The following PRKCA variants were observed in gnomAD, a reference collection of about 807,000 sequenced individuals.
PRKCA encodes protein kinase C alpha.
Under a neutral mutation model 87.0 loss-of-function variants are expected in PRKCA, and 27 were observed. The ratio of observed to expected loss-of-function variants is 0.31; its 90% CI spans 0.23 to 0.43. The LOEUF (loss-of-function observed/expected upper bound fraction) is 0.43, where lower values mean the gene tolerates loss of function less well. PRKCA is among the 20% of genes least tolerant of loss of function. The pLI, the probability that PRKCA is intolerant of heterozygous loss-of-function variation, is 1.00. For synonymous variants in PRKCA, 329 were observed against 311.1 expected, an observed-to-expected ratio of 1.06 and a Z score of -0.61; for missense variants, 518 against 852.3, an observed-to-expected ratio of 0.61 and a Z score of 4.88.
chr17:66,674,237 G>A (rs747271053), intron 5 of PRKCA, among the ~76,000 whole-genome samples: 2 of 152,230 alleles, frequency 1.3e-5, no homozygotes, highest in Non-Finnish European at 2.9e-5. Flanking sequence ...TGGCAGGAGA[G>A]TGGAAGGGCA....
intron 2 of PRKCA, among the ~76,000 whole-genome samples, chr17:66,378,650 A>G (rs1909613403): frequency 6.6e-6 from 1 of 152,180 alleles, no homozygotes; most frequent in Admixed American, 6.5e-5. Context: ...CTGTAATCCT[A>G]GCACTTTGGG....
intron 5 of PRKCA, among the ~76,000 whole-genome samples, chr17:66,648,497 A>G (rs1250899406): frequency 6.6e-6 from 1 of 152,242 alleles, no homozygotes; most frequent in Non-Finnish European, 1.5e-5. Context: ...GGTAAATTGG[A>G]TGGCTAAATA....
chr17:66,638,507 C>T (rs1180865537), intron 3 of PRKCA: 3 of 152,032 alleles, frequency 2.0e-5, no homozygotes, highest in African/African-American at 2.4e-5. Flanking sequence ...GTGGTGCAGA[C>T]ACGAGGGGTT....
At chr17:66,768,954 G>C (rs571141286) in intron 13 of PRKCA, among the ~76,000 whole-genome samples, 1 of 152,178 alleles carries the variant, frequency 6.6e-6, no homozygotes, top group Admixed American at 6.5e-5. Context: ...TACTAAGCAT[G>C]TGCTAAGTGG....
chr17:66,395,577 A>T (rs2143657156), intron 2 of PRKCA, among the ~76,000 whole-genome samples: 1 of 152,292 alleles, frequency 6.6e-6, no homozygotes, highest in East Asian at 1.9e-4. Context: ...GGTCCACTTT[A>T]GATTGCATGG....
chr17:66,682,706 T>TTTGTTGTTG (rs3053459), intron 5 of PRKCA, among the ~76,000 whole-genome samples: 1 of 151,754 alleles, frequency 6.6e-6, no homozygotes, highest in African/African-American at 2.4e-5. Flanking sequence ...GTAGTGTGAT[T>TTTGTTGTTG]TTGTTGTTGT....
intron 2 of PRKCA, among the ~76,000 whole-genome samples, chr17:66,449,832 C>T (rs11654093): frequency 0.36 from 54,927 of 151,872 alleles, 10,042 homozygotes; most frequent in Middle Eastern, 0.45. Context: ...GCTGGACGAA[C>T]GGCCTCAGGT....
chr17:66,678,472 A>G (rs1373779015), intron 5 of PRKCA, among the ~76,000 whole-genome samples: 1 of 152,236 alleles, frequency 6.6e-6, no homozygotes, highest in Non-Finnish European at 1.5e-5. Flanking sequence ...TCCTGCTAGC[A>G]GAAGGTAGGC....
intron 3 of PRKCA, among the ~76,000 whole-genome samples, chr17:66,538,464 C>G (rs1427915308): frequency 6.6e-6 from 1 of 151,974 alleles, no homozygotes; most frequent in Non-Finnish European, 1.5e-5. Flanking sequence ...CGTTTGTCAC[C>G]AGGGAGGTGA....
chr17:66,329,829 C>A (rs1020150460), intron 2 of PRKCA, among the ~76,000 whole-genome samples: 9 of 152,184 alleles, frequency 5.9e-5, no homozygotes, highest in Non-Finnish European at 1.3e-4. Context: ...CAAACACACC[C>A]CGTCATTTAT....
At chr17:66,702,526 T>A (rs1973088992) in intron 8 of PRKCA, among the ~76,000 whole-genome samples, 1 of 152,162 alleles carries the variant, frequency 6.6e-6, no homozygotes, top group African/African-American at 2.4e-5. Context: ...CCAATAATAA[T>A]AATGTGTTTT....
At chr17:66,528,639 A>C (rs1967432352) in intron 3 of PRKCA, among the ~76,000 whole-genome samples, 1 of 152,194 alleles carries the variant, frequency 6.6e-6, no homozygotes, top group African/African-American at 2.4e-5. Context: ...GAGCACCTCC[A>C]TTGTAGCCTT....
intron 2 of PRKCA, among the ~76,000 whole-genome samples, chr17:66,338,010 C>T (rs943547031): frequency 3.4e-5 from 5 of 145,834 alleles, no homozygotes; most frequent in South Asian, 2.3e-4. Context: ...TCCCCCCCCT[C>T]CGCCCCCCTT....
chr17:66,759,342 C>T lies in PRKCA; in HGVS notation c.1525-14645C>T, dbSNP rs564187588. ...CTGCACTCCAGCCTGGGTGACAGAG[C>T]GAGACTCCGTCTCAAAAAAAAAAAA... On this transcript the variant is annotated intron_variant, in intron 13 of 16. Transcript: ENST00000413366. 1.6e-4 allele frequency among the ~76,000 whole-genome samples: 24 copies of T among 149,012 alleles called. No individual in the cohort carries two copies. In the East Asian group the frequency reaches 3.9e-3, roughly 25 times the overall value.
chr17:66,627,195 G>A (rs1346310688), intron 3 of PRKCA, among the ~76,000 whole-genome samples: 1 of 152,200 alleles, frequency 6.6e-6, no homozygotes, highest in African/African-American at 2.4e-5. Context: ...GTGCACAGTA[G>A]GTTTCTGCCA....
chr17:66,418,827 C>G (rs1318171004), intron 2 of PRKCA, among the ~76,000 whole-genome samples: 1 of 152,124 alleles, frequency 6.6e-6, no homozygotes, highest in Non-Finnish European at 1.5e-5. Flanking sequence ...TCTCGGCTCA[C>G]TGCAAGCTCC....
chr17:66,414,333 C>T (rs553400001), intron 2 of PRKCA, among the ~76,000 whole-genome samples: 2 of 152,282 alleles, frequency 1.3e-5, no homozygotes, highest in East Asian at 3.9e-4. Context: ...TCCCTGCTCC[C>T]TCTTTCTTCC....
At chr17:66,470,210 TTTA>T (rs1370052383) in intron 2 of PRKCA, among the ~76,000 whole-genome samples, 9,104 of 138,302 alleles carry the variant, frequency 0.066, 491 homozygotes, top group African/African-American at 0.14. Flanking sequence ...TTTTTTTTTT[TTTA>T]AAAGACAGAG....
rs150052557 is a variant in PRKCA, at chr17:66,618,439, T to C, written c.289-22916T>C. Among the ~76,000 whole-genome samples, 11 of 152,224 alleles carry C rather than the reference T, an allele frequency of 7.2e-5. No homozygotes were observed. The East Asian group carries it at 2.1e-3, about 29-fold the overall frequency. On this transcript the variant is annotated intron_variant, in intron 3 of 16. Transcript: ENST00000413366. ...GTGTATACATACAGTCTTTACTCTG[T>C]CTATAGTCTCTACACAAAGTATAAG...
Sources: gnomAD v4.1 joint callset for allele counts (sites outside exome capture counted in the v4.1 genomes callset) on GRCh38, gnomAD v4.1.1 for gene constraint, MANE v1.5 for transcripts, NCBI Gene and HGNC (gene_info 2026-07-23, HGNC 2026-07-21) for gene names.